Variants in HDHD2 observed in about 807,000 individuals in gnomAD.
HDHD2 encodes haloacid dehalogenase like hydrolase domain containing 2.
HDHD2 carries 26 observed loss-of-function variants against 24.8 expected under a neutral mutation model. The observed-to-expected ratio is 1.05, with a 90% CI of 0.77 to 1.45. The LOEUF (loss-of-function observed/expected upper bound fraction) is 1.45, where lower values mean the gene tolerates loss of function less well. HDHD2 is among the 40% of genes most tolerant of loss of function. The probability of loss-of-function intolerance (pLI) is 0.00; values close to 1 mark genes in which losing one functional copy is unlikely to be tolerated. For missense variants in HDHD2, 299 were observed against 313.4 expected (o/e 0.95, Z 0.35); for synonymous variants, 128 against 114.9 (o/e 1.11, Z -0.73).
chr18:47,123,237 T>A lies in HDHD2; in HGVS notation c.395+7007A>T, dbSNP rs147442778. The stretch of plus-strand genomic sequence containing the variant: ...AAGACTGCTGGACAGAAGATTAACA[T>A]ACAAAAACCCAATTAGCTTTCTATG... On this transcript the variant is annotated intron_variant, in intron 4 of 6. Transcript: ENST00000300605. Among the ~76,000 whole-genome samples the A allele has an allele frequency of 1.9e-3, 293 of 152,282 alleles. 1 individual carries two copies. Among genetic ancestry groups the A allele is most frequent in the African/African-American group, 6.6e-3 (275 of 41,566 alleles).
intron 1 of HDHD2, among the ~76,000 whole-genome samples, chr18:47,138,782 T>G (rs1408841000): frequency 6.6e-6 from 1 of 152,238 alleles, no homozygotes; most frequent in African/African-American, 2.4e-5. Context: ...GGCAGAACTC[T>G]CATCTGATTG....
intron 5 of HDHD2, among the ~76,000 whole-genome samples, chr18:47,113,322 G>C (rs2063531310): frequency 6.6e-6 from 1 of 152,176 alleles, no homozygotes; most frequent in East Asian, 1.9e-4. Context: ...TCTATGCTTT[G>C]CCACACCTAC....
At chr18:47,142,674 G>C (rs2063830765) in intron 1 of HDHD2, among the ~76,000 whole-genome samples, 2 of 152,070 alleles carry the variant, frequency 1.3e-5, no homozygotes, top group Non-Finnish European at 2.9e-5. Context: ...AAGAATAAGA[G>C]AACAGACCAT....
At chr18:47,123,045 C>T (rs1020589499) in intron 4 of HDHD2, among the ~76,000 whole-genome samples, 2 of 151,994 alleles carry the variant, frequency 1.3e-5, no homozygotes, top group Non-Finnish European at 2.9e-5. Flanking sequence ...TAGGAGTGCA[C>T]TAGGAGTCCC....
At chr18:47,142,296 T>C (rs1197735706) in intron 1 of HDHD2, among the ~76,000 whole-genome samples, 12 of 151,904 alleles carry the variant, frequency 7.9e-5, no homozygotes, top group Non-Finnish European at 8.8e-5. Context: ...AAAAAGTTTG[T>C]AGAAAAAAAT....
chr18:47,123,540 G>A (rs1277379786), intron 4 of HDHD2, among the ~76,000 whole-genome samples: 2 of 152,018 alleles, frequency 1.3e-5, no homozygotes, highest in Admixed American at 6.6e-5. Context: ...TGAGCTGAGA[G>A]CATGCCATTG....
At chr18:47,138,196 A>G (rs1297164074) in intron 1 of HDHD2, among the ~76,000 whole-genome samples, 1 of 148,130 alleles carries the variant, frequency 6.8e-6, no homozygotes, top group Non-Finnish European at 1.5e-5. Context: ...AAAAAAAAAA[A>G]AAAAGATTCC....
intron 5 of HDHD2, among the ~76,000 whole-genome samples, chr18:47,113,609 C>A (rs1298256155): frequency 6.6e-6 from 1 of 152,038 alleles, no homozygotes; most frequent in African/African-American, 2.4e-5. Context: ...AATTATTATT[C>A]AAGATAAGGA....
chr18:47,123,354 G>A (rs2668763), intron 4 of HDHD2, among the ~76,000 whole-genome samples: 85,115 of 151,978 alleles, frequency 0.56, 23,960 homozygotes, highest in Middle Eastern at 0.61. Flanking sequence ...TTGGGAGGCC[G>A]AGGTGGGTGG....
chr18:47,129,356 C>G (rs954903254), intron 4 of HDHD2, among the ~76,000 whole-genome samples: 34 of 152,012 alleles, frequency 2.2e-4, no homozygotes, highest in African/African-American at 8.2e-4. Flanking sequence ...ATCTTATATA[C>G]TAGTTCTACT....
chr18:47,135,820 T>A (rs2063760662), intron 2 of HDHD2, among the ~76,000 whole-genome samples: 1 of 152,228 alleles, frequency 6.6e-6, no homozygotes, highest in Non-Finnish European at 1.5e-5. Context: ...TGTTTAGTAT[T>A]GTGGTTGGTA....
rs753101790 is a variant in HDHD2, at chr18:47,112,970, T to C, written c.676+7A>G. ...TTTAGAAAATGCTTTATACAGAAGA[T>C]ACATACCAGTCTTTACTAAGATGCC... On this transcript the variant is annotated splice_region_variant and intron_variant, in intron 6 of 6. Coordinates refer to ENST00000300605, the MANE Select transcript of HDHD2 (RefSeq NM_032124.5). 42 of 1,609,686 alleles carry C rather than the reference T, an allele frequency of 2.6e-5. No individual in the cohort carries two copies. In the South Asian group the frequency reaches 4.3e-4, roughly 16 times the overall value.
At chr18:47,111,092 T>G (rs2063512272) in intron 6 of HDHD2, 1 of 985,306 alleles carries the variant, frequency 1.0e-6, no homozygotes, top group African/African-American at 1.7e-5. Context: ...AGTAGGGTTA[T>G]TCATGATTTT....
chr18:47,118,752 GAAT>G (rs1314026034), intron 4 of HDHD2, among the ~76,000 whole-genome samples: 1 of 152,158 alleles, frequency 6.6e-6, no homozygotes, highest in African/African-American at 2.4e-5. Context: ...TAGAGCCACA[GAAT>G]ATTACTGAAA....
At chr18:47,126,954 G>A (rs969243078) in intron 4 of HDHD2, among the ~76,000 whole-genome samples, 1 of 152,172 alleles carries the variant, frequency 6.6e-6, no homozygotes, top group Admixed American at 6.5e-5. Context: ...CACGACGTCA[G>A]ATCGAGACCA....
At chr18:47,139,956 C>T (rs1004501776) in intron 1 of HDHD2, among the ~76,000 whole-genome samples, 2 of 152,138 alleles carry the variant, frequency 1.3e-5, no homozygotes, top group Non-Finnish European at 2.9e-5. Context: ...AAGAACAGAA[C>T]TAATGGCAAT....
intron 4 of HDHD2, among the ~76,000 whole-genome samples, chr18:47,124,518 C>T (rs769464855): frequency 6.6e-6 from 1 of 151,328 alleles, no homozygotes; most frequent in Non-Finnish European, 1.5e-5. Flanking sequence ...ACCAGCCTGA[C>T]CAACACGGAG....
At chr18:47,120,124 C>G (rs1032962586) in intron 4 of HDHD2, among the ~76,000 whole-genome samples, 5 of 152,232 alleles carry the variant, frequency 3.3e-5, no homozygotes, top group African/African-American at 1.2e-4. Context: ...TAGCCCCTAA[C>G]AAGATAGACT....
intron 4 of HDHD2, among the ~76,000 whole-genome samples, chr18:47,120,597 C>T (rs963089450): frequency 2.0e-5 from 3 of 152,200 alleles, no homozygotes; most frequent in African/African-American, 7.2e-5. Flanking sequence ...TTTTAATTTC[C>T]TTCAAGAACT....
Sources: gnomAD v4.1 joint callset for allele counts (sites outside exome capture counted in the v4.1 genomes callset) on GRCh38, gnomAD v4.1.1 for gene constraint, MANE v1.5 for transcripts, NCBI Gene and HGNC (gene_info 2026-07-23, HGNC 2026-07-21) for gene names.